The following IFT88 variants were observed in gnomAD, a reference collection of about 807,000 sequenced individuals.
IFT88 encodes the protein intraflagellar transport protein 88 homolog.
In IFT88, 74 loss-of-function variants were observed where a neutral mutation model predicts 119.5. The observed-to-expected ratio is 0.62, with a 90% CI of 0.51 to 0.75. The LOEUF (loss-of-function observed/expected upper bound fraction) is 0.75, where lower values mean the gene tolerates loss of function less well. IFT88 is among the 30% of genes least tolerant of loss of function. The pLI, the probability that IFT88 is intolerant of heterozygous loss-of-function variation, is 0.00. For synonymous variants in IFT88, 279 were observed against 316.7 expected, an observed-to-expected ratio of 0.88 and a Z score of 1.26; for missense variants, 961 against 977.7, an observed-to-expected ratio of 0.98 and a Z score of 0.23.
intron 7 of IFT88, among the ~76,000 whole-genome samples, chr13:20,594,222 C>T (rs1417137035): frequency 1.3e-5 from 2 of 152,236 alleles, no homozygotes; most frequent in South Asian, 2.1e-4. Context: ...TTTCCCCAAG[C>T]GCCTGCCGAT....
intron 20 of IFT88, among the ~76,000 whole-genome samples, chr13:20,647,617 T>TTC (rs1413052854): frequency 2.0e-5 from 3 of 152,190 alleles, no homozygotes; most frequent in African/African-American, 7.2e-5. Context: ...GAAACCCTAG[T>TTC]TCTGACTGGT....
At chr13:20,684,703 G>GAA (rs2057696158) in intron 24 of IFT88, among the ~76,000 whole-genome samples, 1 of 152,212 alleles carries the variant, frequency 6.6e-6, no homozygotes, top group Non-Finnish European at 1.5e-5. Flanking sequence ...CTCCTTTTCT[G>GAA]AGGAGATGCC....
chr13:20,610,519 A>G (rs1234975439), intron 13 of IFT88, among the ~76,000 whole-genome samples: 2 of 152,058 alleles, frequency 1.3e-5, no homozygotes, highest in Non-Finnish European at 2.9e-5. Flanking sequence ...TTCTTTGGAC[A>G]TATCATTGAA....
chr13:20,677,319 G>A (rs2056791888), intron 24 of IFT88, among the ~76,000 whole-genome samples: 1 of 152,182 alleles, frequency 6.6e-6, no homozygotes, highest in African/African-American at 2.4e-5. Flanking sequence ...AAATCAAACT[G>A]AGAATTGCAG....
intron 13 of IFT88, chr13:20,607,469 G>A (rs1320455026): frequency 7.4e-6 from 5 of 674,866 alleles, no homozygotes; most frequent in African/African-American, 1.8e-5. Flanking sequence ...CATCATCAGC[G>A]GCGTCCTGAT....
intron 2 of IFT88, among the ~76,000 whole-genome samples, chr13:20,581,052 G>A (rs2038540343): frequency 6.6e-6 from 1 of 152,060 alleles, no homozygotes; most frequent in Non-Finnish European, 1.5e-5. Flanking sequence ...AAGCACCAGG[G>A]ACACTTCCTA....
chr13:20,611,279 T>C (rs1223566501), intron 13 of IFT88, among the ~76,000 whole-genome samples: 1 of 151,348 alleles, frequency 6.6e-6, no homozygotes, highest in African/African-American at 2.4e-5. Context: ...ATAAAGTACA[T>C]CTGTGACAAA....
intron 1 of IFT88, among the ~76,000 whole-genome samples, chr13:20,569,153 G>C (rs2035656688): frequency 6.6e-6 from 1 of 152,084 alleles, no homozygotes; most frequent in South Asian, 2.1e-4. Context: ...CTAAATATAA[G>C]AGCTAAAACT....
intron 23 of IFT88, among the ~76,000 whole-genome samples, chr13:20,670,668 C>T (rs188873749): frequency 4.6e-5 from 7 of 151,838 alleles, no homozygotes; most frequent in African/African-American, 1.7e-4. Flanking sequence ...ATGTTTAAGC[C>T]CTGAATGTTC....
chr13:20,666,456 G>A (rs906556735), intron 23 of IFT88, among the ~76,000 whole-genome samples: 1 of 152,160 alleles, frequency 6.6e-6, no homozygotes, highest in Admixed American at 6.5e-5. Context: ...CCCACTCTGG[G>A]TGGCCCATCC....
At chr13:20,665,011 G>A (rs1049031012) in intron 23 of IFT88, among the ~76,000 whole-genome samples, 19 of 151,754 alleles carry the variant, frequency 1.3e-4, no homozygotes, top group East Asian at 9.7e-4. Context: ...CCTGGGAGGC[G>A]GAGCTTGCAG....
chr13:20,605,106 G>A lies in IFT88; in HGVS notation c.1112+1G>A. 1.5e-6 allele frequency: 2 copies of A among 1,368,440 alleles called. No homozygotes were observed. The allele number at this position is 1,368,440 out of a possible 1,614,324, so 84.8% of individuals were successfully genotyped here. A position where few individuals can be genotyped will look rare whatever the true frequency, so the allele number is the denominator to read the frequency against. On this transcript the variant is annotated splice_donor_variant, in intron 13 of 25. Transcript: ENST00000351808. LOFTEE classifies it high-confidence loss of function. ...ACCTCAGGCAAATGGAACGTGAAAGGTAATATTTTAAACTTAATAACGTAG... is the reference window on the plus strand; with the variant it reads ...ACCTCAGGCAAATGGAACGTGAAAGATAATATTTTAAACTTAATAACGTAG...
At chr13:20,592,259 G>A (rs2138715943) in intron 6 of IFT88, 76 bp from the exon 7 acceptor site, 3 of 1,057,640 alleles carry the variant, frequency 2.8e-6, no homozygotes, top group Non-Finnish European at 4.3e-6. Context: ...TAGCTTATGC[G>A]AGGTTTTATA....
chr13:20,567,957 A>G (rs1251943184), intron 1 of IFT88: 2 of 708,090 alleles, frequency 2.8e-6, no homozygotes, highest in Non-Finnish European at 5.2e-6. Flanking sequence ...CATCGGAAGA[A>G]GAATTGTCTT....
intron 24 of IFT88, among the ~76,000 whole-genome samples, chr13:20,689,563 G>A (rs967208158): frequency 1.3e-5 from 2 of 152,008 alleles, no homozygotes; most frequent in African/African-American, 2.4e-5. Flanking sequence ...CTTGCCCTTC[G>A]TTGACTGCAA....
intron 15 of IFT88, among the ~76,000 whole-genome samples, chr13:20,626,302 C>T (rs139835359): frequency 0.043 from 6,515 of 151,896 alleles, 185 homozygotes; most frequent in Middle Eastern, 0.075. Flanking sequence ...CCTTGTGATC[C>T]GCCCGCCTCG....
intron 24 of IFT88, among the ~76,000 whole-genome samples, chr13:20,678,705 T>C (rs2056982185): frequency 6.6e-6 from 1 of 152,198 alleles, no homozygotes; most frequent in Non-Finnish European, 1.5e-5. Flanking sequence ...GCTGCAGAAA[T>C]CCTGTTTATG....
In IFT88 at chr13:20,598,739, T is replaced by C. The variant is rs149818223; in HGVS notation, c.683T>C (p.Met228Thr). 15 of 1,594,302 alleles carry C rather than the reference T, an allele frequency of 9.4e-6. No individual in the cohort carries two copies. The African/African-American group carries it at 1.9e-4, about 20-fold the overall frequency. The change falls in exon 10 of 26, where the codon ATG becomes ACG. Residue 228 changes from methionine (M) to threonine (T), a missense_variant. Physicochemically the swap from Met to Thr is moderately conservative, Grantham distance 81 (BLOSUM62 -1). Coordinates refer to ENST00000351808, the MANE Select transcript of IFT88 (RefSeq NM_006531.5). ...NTYQVIVKNK[M>T]FSNAGILKMN... is the part of the protein sequence containing the mutation. The stretch of plus-strand genomic sequence containing the variant: ...TATCAAGTTATAGTCAAAAATAAGA[T>C]GTTTAGCAATGCAGGTAAGTGTACA...
chr13:20,685,343 G>A (rs1201837239), intron 24 of IFT88, among the ~76,000 whole-genome samples: 1 of 152,184 alleles, frequency 6.6e-6, no homozygotes, highest in African/African-American at 2.4e-5. Flanking sequence ...CCACATTGCT[G>A]CAGAAATCCT....
Sources: allele counts gnomAD v4.1 joint callset (sites outside exome capture counted in the v4.1 genomes callset), GRCh38; gene constraint gnomAD v4.1.1; transcripts MANE v1.5; gene names NCBI Gene and HGNC (gene_info 2026-07-23, HGNC 2026-07-21).